The following TENM1 variants were observed in gnomAD, a reference collection of about 807,000 sequenced individuals.
TENM1 encodes teneurin transmembrane protein 1.
In TENM1, 35 loss-of-function variants were observed where a neutral mutation model predicts 174.8. The observed-to-expected ratio is 0.20, with a 90% CI of 0.15 to 0.27. The LOEUF (loss-of-function observed/expected upper bound fraction) is 0.27, where lower values mean the gene tolerates loss of function less well. Ranked by LOEUF, TENM1 falls within the 10% of genes least tolerant of loss-of-function variation. TENM1 has a pLI of 1.00. For synonymous variants in TENM1, 781 were observed against 798.7 expected, an observed-to-expected ratio of 0.98 and a Z score of 0.37; for missense variants, 1,633 against 2,130.1, an observed-to-expected ratio of 0.77 and a Z score of 4.59.
chrX:124,632,831 A>G (rs770764075), intron 11 of TENM1, among the ~76,000 whole-genome samples: 1 of 112,228 alleles, frequency 8.9e-6, no homozygotes. Flanking sequence ...GTACTCTTCT[A>G]TATCTCCAAT....
chrX:124,711,406 C>T (rs1307262404), intron 4 of TENM1, among the ~76,000 whole-genome samples: 2 of 112,007 alleles, frequency 1.8e-5, no homozygotes, highest in African/African-American at 3.2e-5. Flanking sequence ...CTATAGGAAA[C>T]AGACAGAAAT....
chrX:124,443,137 C>T (rs1452285289), intron 23 of TENM1, among the ~76,000 whole-genome samples: 3 of 98,458 alleles, frequency 3.0e-5, no homozygotes, highest in African/African-American at 3.8e-5. Flanking sequence ...GCTGAACCCA[C>T]TTGTATAAAA....
intron 5 of TENM1, among the ~76,000 whole-genome samples, chrX:124,678,216 T>C (rs1286917524): frequency 1.8e-5 from 2 of 111,296 alleles, no homozygotes; most frequent in East Asian, 5.6e-4. Context: ...TAAACATTTA[T>C]CAACACATCA....
chrX:124,998,071 T>C, the TENM1 span, among the ~76,000 whole-genome samples: 2 of 98,368 alleles, frequency 2.0e-5, no homozygotes, highest in African/African-American at 7.7e-5. Context: ...GGCTTCAAAA[T>C]GGAGAGTTTC....
the TENM1 span, among the ~76,000 whole-genome samples, chrX:125,162,228 G>A: frequency 8.9e-6 from 1 of 111,788 alleles, no homozygotes; most frequent in Non-Finnish European, 1.9e-5. Flanking sequence ...ATATGGAATG[G>A]GGATGCCACC....
intron 3 of TENM1, among the ~76,000 whole-genome samples, chrX:124,756,105 C>T (rs1408400043): frequency 9.5e-6 from 1 of 105,339 alleles, no homozygotes; most frequent in East Asian, 2.9e-4. Flanking sequence ...GTTCCATTCT[C>T]CCCGTCACTT....
At chrX:125,158,483 GT>G in the TENM1 span, among the ~76,000 whole-genome samples, 21 of 106,730 alleles carry the variant, frequency 2.0e-4, no homozygotes, top group African/African-American at 6.5e-4. Flanking sequence ...CTTTATAGAA[GT>G]ATCAAGGAGC....
chrX:124,545,066 G>C (rs760782300), intron 15 of TENM1, among the ~76,000 whole-genome samples: 4 of 112,037 alleles, frequency 3.6e-5, no homozygotes, highest in African/African-American at 1.3e-4. Flanking sequence ...AGAGGAAATA[G>C]AATTAGATTG....
chrX:125,041,806 T>C, the TENM1 span, among the ~76,000 whole-genome samples: 1 of 111,567 alleles, frequency 9.0e-6, no homozygotes, highest in Non-Finnish European at 1.9e-5. Flanking sequence ...TCTCAAATGG[T>C]ACCACTTAAT....
intron 1 of TENM1, among the ~76,000 whole-genome samples, chrX:124,949,139 T>C (rs2058444972): frequency 9.0e-6 from 1 of 111,143 alleles, no homozygotes; most frequent in Admixed American, 9.7e-5. Flanking sequence ...ATCCTAAGTA[T>C]GAAGAGAAAA....
intron 11 of TENM1, among the ~76,000 whole-genome samples, chrX:124,606,881 G>A (rs1256778071): frequency 9.0e-6 from 1 of 111,170 alleles, no homozygotes; most frequent in Non-Finnish European, 1.9e-5. Context: ...AGTACACTAT[G>A]TACAATAGTA....
chrX:124,941,133 A>G (rs1324377556), intron 1 of TENM1, among the ~76,000 whole-genome samples: 1 of 111,542 alleles, frequency 9.0e-6, no homozygotes, highest in Non-Finnish European at 1.9e-5. Context: ...TTAAAAGCCT[A>G]TACTTGATGT....
At chrX:124,760,616 A>T (rs776783922) in intron 3 of TENM1, among the ~76,000 whole-genome samples, 1 of 112,279 alleles carries the variant, frequency 8.9e-6, no homozygotes, top group South Asian at 3.7e-4. Flanking sequence ...AGGCAATACC[A>T]TTCAGGACAT....
intron 18 of TENM1, among the ~76,000 whole-genome samples, chrX:124,509,057 ATAAAAG>A (rs2047518280): frequency 9.3e-6 from 1 of 107,849 alleles, no homozygotes; most frequent in South Asian, 4.2e-4. Flanking sequence ...AAGAACAAAT[ATAAAAG>A]TAAAACAAAT....
intron 6 of TENM1, among the ~76,000 whole-genome samples, chrX:124,666,012 C>T (rs1047763019): frequency 8.9e-6 from 1 of 111,808 alleles, no homozygotes; most frequent in African/African-American, 3.3e-5. Context: ...GCAGTAGTCA[C>T]TATTTGGTCT....
At chrX:124,633,995 G>A (rs887164024) in intron 11 of TENM1, among the ~76,000 whole-genome samples, 4 of 111,841 alleles carry the variant, frequency 3.6e-5, no homozygotes, top group Non-Finnish European at 7.5e-5. Flanking sequence ...GCAGATGCTT[G>A]TTTTATTTAA....
intron 3 of TENM1, among the ~76,000 whole-genome samples, chrX:124,758,619 A>G (rs1366046804): frequency 8.9e-6 from 1 of 111,963 alleles, no homozygotes; most frequent in Non-Finnish European, 1.9e-5. Context: ...GACAGCCAAG[A>G]GGTGGAAGAA....
chrX:124,720,987 T>C (rs2053296957), intron 4 of TENM1, among the ~76,000 whole-genome samples: 1 of 112,104 alleles, frequency 8.9e-6, no homozygotes, highest in Non-Finnish European at 1.9e-5. Flanking sequence ...GCAGGATTCT[T>C]TCAGTGGAGG....
chrX:124,672,551 C>G (rs1048504003), intron 5 of TENM1, among the ~76,000 whole-genome samples: 1 of 111,346 alleles, frequency 9.0e-6, no homozygotes, highest in Non-Finnish European at 1.9e-5. Flanking sequence ...ATTAAATGAA[C>G]TTAAAATCTG....
Sources: gnomAD v4.1 joint callset for allele counts (sites outside exome capture counted in the v4.1 genomes callset) on GRCh38, gnomAD v4.1.1 for gene constraint, MANE v1.5 for transcripts, NCBI Gene and HGNC (gene_info 2026-07-23, HGNC 2026-07-21) for gene names.